Variants in PTPRU observed in about 807,000 individuals in gnomAD.
PTPRU encodes receptor-type tyrosine-protein phosphatase U.
PTPRU carries 69 observed loss-of-function variants against 166.3 expected under a neutral mutation model. That is an observed-to-expected ratio of 0.41 (90% CI 0.34 to 0.51). The LOEUF (loss-of-function observed/expected upper bound fraction) is 0.51. PTPRU is among the 20% of genes least tolerant of loss of function. The pLI, the probability that PTPRU is intolerant of heterozygous loss-of-function variation, is 0.09. For synonymous variants in PTPRU, 793 were observed against 814.0 expected, an observed-to-expected ratio of 0.97 and a Z score of 0.44; for missense variants, 1,657 against 2,013.7, an observed-to-expected ratio of 0.82 and a Z score of 3.39.
At chr1:29,298,474 A>G (rs1191897660) in intron 15 of PTPRU, among the ~76,000 whole-genome samples, 1 of 152,116 alleles carries the variant, frequency 6.6e-6, no homozygotes, top group Non-Finnish European at 1.5e-5. Flanking sequence ...GCAAATTTTA[A>G]ATGAAGGACT....
intron 1 of PTPRU, among the ~76,000 whole-genome samples, chr1:29,248,095 C>A (rs956216630): frequency 6.6e-6 from 1 of 152,116 alleles, no homozygotes; most frequent in Non-Finnish European, 1.5e-5. Flanking sequence ...CTGGGCCGGG[C>A]CTCTGGGCTG....
intron 11 of PTPRU, among the ~76,000 whole-genome samples, chr1:29,282,003 G>A (rs1233769674): frequency 2.0e-5 from 3 of 152,230 alleles, no homozygotes; most frequent in Admixed American, 6.5e-5. Flanking sequence ...CAGGGAGCAC[G>A]AACCAGAGTG....
chr1:29,247,576 T>C (rs1225069955), intron 1 of PTPRU, among the ~76,000 whole-genome samples: 1 of 152,220 alleles, frequency 6.6e-6, no homozygotes, highest in Non-Finnish European at 1.5e-5. Context: ...TGTCTTCGTA[T>C]GTCGCAGGGT....
In PTPRU at chr1:29,236,720, A is replaced by C; in HGVS notation, c.73+3A>C. 7.0e-7 allele frequency: 1 copy of C among 1,432,466 alleles called. No individual in the cohort carries two copies. Among genetic ancestry groups the C allele is most frequent in the Non-Finnish European group, 9.1e-7 (1 of 1,095,572 alleles). 88.7% of individuals were successfully genotyped at this position (1,432,466 alleles called of 1,614,324 possible). ...GCCGGAGACCGAGACTCCGGCAGGT[A>C]AGCGCGCGGCGGCCGGACCGAGCCT... On this transcript the variant is annotated splice_donor_region_variant and intron_variant, in intron 1 of 29. Coordinates refer to ENST00000373779, the MANE Select transcript of PTPRU (RefSeq NM_133178.4). This position sits in a 1 kb window ranked among gnomAD's most constrained non-coding sequence, Gnocchi z 4.6.
chr1:29,296,746 C>T (rs1047140592), intron 15 of PTPRU, among the ~76,000 whole-genome samples: 6 of 151,142 alleles, frequency 4.0e-5, no homozygotes, highest in African/African-American at 9.7e-5. Flanking sequence ...GGTCTTGAAC[C>T]CCTGGGCCCA....
chr1:29,310,690 G>A, intron 18 of PTPRU, 54 bp from the exon 19 acceptor site: 2 of 1,558,034 alleles, frequency 1.3e-6, no homozygotes, highest in South Asian at 2.2e-5. Context: ...GGAGGTGTGG[G>A]GGAGTGAGGG....
chr1:29,299,046 C>T (rs957502527), intron 15 of PTPRU, among the ~76,000 whole-genome samples: 1 of 152,164 alleles, frequency 6.6e-6, no homozygotes, highest in Non-Finnish European at 1.5e-5. Context: ...TAACTGGGGG[C>T]CTCTCCTCAT....
intron 24 of PTPRU, among the ~76,000 whole-genome samples, chr1:29,316,730 G>A (rs1687916790): frequency 6.6e-6 from 1 of 152,126 alleles, no homozygotes; most frequent in Non-Finnish European, 1.5e-5. Flanking sequence ...TGGTGACTTA[G>A]GAAAAAGGCG....
intron 1 of PTPRU, among the ~76,000 whole-genome samples, chr1:29,248,844 C>T (rs946448637): frequency 9.2e-5 from 14 of 152,162 alleles, no homozygotes; most frequent in Non-Finnish European, 1.8e-4. Context: ...TATACACCCA[C>T]GGCTTCACAG....
At chr1:29,305,984 G>A (rs1687371705) in intron 18 of PTPRU, among the ~76,000 whole-genome samples, 1 of 152,182 alleles carries the variant, frequency 6.6e-6, no homozygotes, top group South Asian at 2.1e-4. Context: ...ACCCTTTGAG[G>A]CAGTTAGCAC....
chr1:29,269,625 T>A (rs1276883564), intron 7 of PTPRU, among the ~76,000 whole-genome samples: 3 of 152,006 alleles, frequency 2.0e-5, no homozygotes, highest in Non-Finnish European at 4.4e-5. Context: ...TGGCCGGCAG[T>A]TGTTTTGCTG....
rs1239916483 is a variant in PTPRU at position 29,291,684 on chromosome 1, G to A, written c.2319-185G>A. Among the ~76,000 whole-genome samples, 2 of 152,164 alleles carry A rather than the reference G, an allele frequency of 1.3e-5. No individual in the cohort carries two copies. The highest frequency in any genetic ancestry group is 6.5e-5 in the Admixed American group (1 of 15,286). On this transcript the variant is annotated intron_variant, in intron 14 of 29. Transcript: ENST00000373779. The surrounding 1 kb of genome is among the most constrained non-coding windows in gnomAD (Gnocchi z 4.1). Reference sequence around the variant, plus strand: ...CGGGCTCTGCCAAGCCCTTTTCAGGGAAGAAGCAGCTCTGGGTCTAATGAG... The same window carrying A: ...CGGGCTCTGCCAAGCCCTTTTCAGGAAAGAAGCAGCTCTGGGTCTAATGAG...
chr1:29,317,970 A>G lies in PTPRU; in HGVS notation c.3687+49A>G. The G allele has an allele frequency of 6.3e-7, 1 of 1,599,548 alleles. No homozygotes were observed. Among genetic ancestry groups the G allele is most frequent in the East Asian group, 2.2e-5 (1 of 44,730 alleles). On this transcript the variant is annotated intron_variant, in intron 25 of 29. Transcript: ENST00000373779. The surrounding 1 kb of genome is among the most constrained non-coding windows in gnomAD (Gnocchi z 5.6). ...CTCTGGGGCTCCCCTTCCCAGCAGC[A>G]TCAGGGAAGGTCCAGGGGCCACGGG...
At chr1:29,304,070 G>A (rs779304789) in intron 16 of PTPRU, 25 bp downstream of exon 16, 12 of 1,590,274 alleles carry the variant, frequency 7.5e-6, no homozygotes, top group Non-Finnish European at 1.0e-5. Flanking sequence ...CGGGCCAGCA[G>A]GATCCCTGCA....
In PTPRU at chr1:29,276,113, A is replaced by G. The variant is rs12035336; in HGVS notation, c.1453+357A>G. Among the ~76,000 whole-genome samples, 31 of 152,290 alleles carry G rather than the reference A, an allele frequency of 2.0e-4. No individual in the cohort carries two copies. The East Asian group carries it at 6.0e-3, about 29-fold the overall frequency. On this transcript the variant is annotated intron_variant, in intron 8 of 29. Transcript: ENST00000373779. Reference sequence around the variant, plus strand: ...ACTGTATTTTTTAAGGAATTTGTTCATTACACCTAAATTGTCAAATTTCTT... The same window carrying G: ...ACTGTATTTTTTAAGGAATTTGTTCGTTACACCTAAATTGTCAAATTTCTT...
intron 25 of PTPRU, among the ~76,000 whole-genome samples, chr1:29,318,770 C>T (rs972652666): frequency 6.6e-6 from 1 of 152,206 alleles, no homozygotes; most frequent in Non-Finnish European, 1.5e-5. Context: ...GCACACTTTC[C>T]AAGGGTAGGC....
chr1:29,287,427 A>G (rs1022048229), intron 14 of PTPRU, among the ~76,000 whole-genome samples: 16 of 152,016 alleles, frequency 1.1e-4, no homozygotes, highest in African/African-American at 4.8e-5. Context: ...AGGGCAGAGA[A>G]AGCCCTGTCT....
intron 16 of PTPRU, among the ~76,000 whole-genome samples, chr1:29,304,355 T>C (rs190796039): frequency 6.6e-6 from 1 of 152,200 alleles, no homozygotes; most frequent in African/African-American, 2.4e-5. Context: ...GACCTTGACC[T>C]AATCCCAGCC....
chr1:29,246,939 C>A (rs1366442223), intron 1 of PTPRU, among the ~76,000 whole-genome samples: 1 of 152,170 alleles, frequency 6.6e-6, no homozygotes, highest in African/African-American at 2.4e-5. Flanking sequence ...TAATTGTACT[C>A]CATTTTGTGC....
Sources: allele counts gnomAD v4.1 joint callset (sites outside exome capture counted in the v4.1 genomes callset), GRCh38; gene constraint gnomAD v4.1.1; non-coding constraint Gnocchi (gnomAD v3.1); transcripts MANE v1.5; gene names NCBI Gene and HGNC (gene_info 2026-07-23, HGNC 2026-07-21).